Variants in MICAL3 observed in about 807,000 individuals in gnomAD.
The protein encoded by MICAL3 is [F-actin]-monooxygenase MICAL3.
MICAL3 carries 62 observed loss-of-function variants against 207.4 expected under a neutral mutation model. The ratio of observed to expected loss-of-function variants is 0.30; its 90% CI spans 0.24 to 0.37. The LOEUF is 0.37. Among genes scored for constraint, MICAL3 ranks in the 10% least tolerant of loss-of-function variants. The pLI, the probability that MICAL3 is intolerant of heterozygous loss-of-function variation, is 1.00. For synonymous variants in MICAL3, 1,077 were observed against 1,069.3 expected (o/e 1.01, Z -0.14); for missense variants, 2,368 against 2,635.6 (o/e 0.90, Z 2.22).
intron 27 of MICAL3, chr22:17,812,499 G>A: frequency 1.0e-6 from 1 of 985,772 alleles, no homozygotes; most frequent in Non-Finnish European, 1.2e-6. Flanking sequence ...ACAGGAACGA[G>A]ACACTACCTT....
At chr22:17,995,763 C>T (rs1046905502) in intron 1 of MICAL3, among the ~76,000 whole-genome samples, 1 of 152,036 alleles carries the variant, frequency 6.6e-6, no homozygotes, top group African/African-American at 2.4e-5. Context: ...CCCACCTCGG[C>T]CTCTCAAAGG....
chr22:17,887,098 G>GGAAATGAA, intron 15 of MICAL3, 72 bp downstream of exon 15: 1 of 1,136,506 alleles, frequency 8.8e-7, no homozygotes, highest in African/African-American at 1.5e-5. Context: ...ATACCAATGT[G>GGAAATGAA]GAAATGAAGA....
At chr22:17,990,754 G>A (rs573348472) in intron 1 of MICAL3, among the ~76,000 whole-genome samples, 6 of 152,268 alleles carry the variant, frequency 3.9e-5, no homozygotes, top group East Asian at 3.9e-4. Flanking sequence ...GGCCTCATAC[G>A]GGTAACTCTG....
chr22:17,880,889 G>C (rs970149061), intron 16 of MICAL3, among the ~76,000 whole-genome samples: 2 of 152,224 alleles, frequency 1.3e-5, no homozygotes, highest in Admixed American at 6.5e-5. Context: ...TGGGGTTTTA[G>C]AAAAACAGGC....
chr22:17,842,977 C>T (rs1351219436), intron 19 of MICAL3, among the ~76,000 whole-genome samples: 1 of 152,042 alleles, frequency 6.6e-6, no homozygotes, highest in Admixed American at 6.5e-5. Flanking sequence ...AAAAATTAAC[C>T]AGGCACGGTG....
chr22:17,999,442 C>T (rs73392455), intron 1 of MICAL3, among the ~76,000 whole-genome samples: 6,386 of 152,246 alleles, frequency 0.042, 425 homozygotes, highest in African/African-American at 0.14. Flanking sequence ...AATTTAAAAA[C>T]GGAGCATGCA....
Position 17,900,934 on chromosome 22 carries a change from C to T in MICAL3, c.755G>A (p.Arg252Gln), listed in dbSNP as rs1255841609. ...CACTTTAGCTTCTGCTGTTGTATTT[C>T]GGTTGATAAAATTTGCCGTGATGGC... Reference protein sequence around the residue: ...AIAITANFINRNTTAEAKVEE... With the variant: ...AIAITANFINQNTTAEAKVEE... Residue 252 changes from arginine to glutamine, a missense_variant, in exon 6 of 32, where the codon CGA becomes CAA. Physicochemically the swap from Arg to Gln is conservative, Grantham distance 43 (BLOSUM62 1). This residue lies in a region of MICAL3 where 400 missense variants were observed against 547.0 expected (regional missense o/e 0.73). Transcript: ENST00000441493. This position sits in a 1 kb window ranked among gnomAD's most constrained non-coding sequence, Gnocchi z 4.0. 6.8e-6 allele frequency: 11 copies of T among 1,613,838 alleles called. 1 individual carries two copies. Among genetic ancestry groups the T allele is most frequent in the Admixed American group, 1.7e-5 (1 of 60,008 alleles).
chr22:17,803,726 T>C lies in MICAL3; in HGVS notation c.5650+5118A>G, dbSNP rs993563460. 8 of 668,018 alleles carry C rather than the reference T, an allele frequency of 1.2e-5. No individual in the cohort carries two copies. The Admixed American group carries it at 2.5e-4, about 21-fold the overall frequency. 41.4% of individuals were successfully genotyped at this position (668,018 alleles called of 1,614,324 possible). A position where few individuals can be genotyped will look rare whatever the true frequency, so the allele number is the denominator to read the frequency against. On this transcript the variant is annotated intron_variant, in intron 29 of 31. Coordinates refer to ENST00000441493, the MANE Select transcript of MICAL3 (RefSeq NM_015241.3). ...TTTGGTTATTGGGTTGATTTCTCCT[T>C]GTTTTTGTGAGCAGGGACTGGGAAG...
In MICAL3 at chr22:17,841,633, G is replaced by C; in HGVS notation, c.2801+189C>G. ...AATACTTCCTGAATCTCTGAATTGA[G>C]TCTGATGGAGGAGTCCTCACTGACT... is the stretch of plus-strand genomic sequence containing the variant. On this transcript the variant is annotated intron_variant, in intron 20 of 31. Transcript: ENST00000441493. The surrounding 1 kb of genome is among the most constrained non-coding windows in gnomAD (Gnocchi z 4.2). 1.7e-6 allele frequency: 1 copy of C among 603,940 alleles called. No homozygotes were observed. The highest frequency in any genetic ancestry group is 2.9e-6 in the Non-Finnish European group (1 of 339,734). The allele number at this position is 603,940 out of a possible 1,614,324, so 37.4% of individuals were successfully genotyped here. A position where few individuals can be genotyped will look rare whatever the true frequency, so the allele number is the denominator to read the frequency against.
chr22:17,928,266 C>T (rs1933019801), intron 1 of MICAL3, among the ~76,000 whole-genome samples: 2 of 152,048 alleles, frequency 1.3e-5, no homozygotes, highest in African/African-American at 4.8e-5. Flanking sequence ...GGTGAAACCC[C>T]GCCTCTACTA....
At chr22:17,912,970 A>G (rs1248178260) in intron 1 of MICAL3, among the ~76,000 whole-genome samples, 1 of 152,188 alleles carries the variant, frequency 6.6e-6, no homozygotes. Flanking sequence ...TTTTTCGCAT[A>G]TGGCTTTTAC....
At chr22:17,869,879 G>A (rs992663866) in intron 17 of MICAL3, among the ~76,000 whole-genome samples, 5 of 152,222 alleles carry the variant, frequency 3.3e-5, no homozygotes, top group African/African-American at 1.2e-4. Flanking sequence ...GGCGTGATGT[G>A]TTGGGGCGCA....
At chr22:17,951,412 C>T (rs368677400) in intron 1 of MICAL3, among the ~76,000 whole-genome samples, 6 of 152,114 alleles carry the variant, frequency 3.9e-5, no homozygotes, top group African/African-American at 1.2e-4. Flanking sequence ...ACTTCACACA[C>T]TGGCAAGTAT....
At chr22:17,867,277 CAG>C (rs2146149844) in intron 17 of MICAL3, among the ~76,000 whole-genome samples, 1 of 152,318 alleles carries the variant, frequency 6.6e-6, no homozygotes, top group East Asian at 1.9e-4. Flanking sequence ...GGCCAGGATG[CAG>C]AGACTCTACA....
chr22:17,838,186 T>C (rs192466503), intron 20 of MICAL3, among the ~76,000 whole-genome samples: 127 of 152,370 alleles, frequency 8.3e-4, no homozygotes, highest in Non-Finnish European at 1.2e-3. Flanking sequence ...GTTTCTCAAA[T>C]TGTGGTCTTT....
At chr22:17,997,667 T>C (rs1922444084) in intron 1 of MICAL3, among the ~76,000 whole-genome samples, 1 of 152,146 alleles carries the variant, frequency 6.6e-6, no homozygotes, top group Non-Finnish European at 1.5e-5. Flanking sequence ...AGCCCAGGAT[T>C]GAACCCAGCC....
At chr22:17,903,617 C>T (rs948031424) in intron 3 of MICAL3, among the ~76,000 whole-genome samples, 3 of 152,244 alleles carry the variant, frequency 2.0e-5, no homozygotes, top group African/African-American at 7.2e-5. Context: ...ACAGCCACCA[C>T]CCTTCTGAGT....
At chr22:17,937,158 A>T (rs1175786976) in intron 1 of MICAL3, among the ~76,000 whole-genome samples, 3 of 152,212 alleles carry the variant, frequency 2.0e-5, no homozygotes, top group African/African-American at 7.2e-5. Context: ...GCAAGCTACC[A>T]ATGGCACTTG....
chr22:17,909,787 G>A (rs533256747), intron 1 of MICAL3, among the ~76,000 whole-genome samples: 3 of 152,364 alleles, frequency 2.0e-5, no homozygotes, highest in South Asian at 2.1e-4. Context: ...AAGAGCAGAT[G>A]TGCTTATGTG....
Sources: allele counts gnomAD v4.1 joint callset (sites outside exome capture counted in the v4.1 genomes callset), GRCh38; gene constraint gnomAD v4.1.1; regional missense constraint gnomAD v4.1.1; non-coding constraint Gnocchi (gnomAD v3.1); transcripts MANE v1.5; gene names NCBI Gene and HGNC (gene_info 2026-07-23, HGNC 2026-07-21).